The following HUNK variants were observed in gnomAD, a reference collection of about 807,000 sequenced individuals.
HUNK encodes the protein hormonally up-regulated neu tumor-associated kinase.
A neutral mutation model predicts 61.0 loss-of-function variants in HUNK; 21 were observed. The ratio of observed to expected loss-of-function variants is 0.34; its 90% CI spans 0.24 to 0.50. The LOEUF is 0.50. Among genes scored for constraint, HUNK ranks in the 20% least tolerant of loss-of-function variants. The pLI, the probability that HUNK is intolerant of heterozygous loss-of-function variation, is 0.98. For missense variants in HUNK, 772 were observed against 945.7 expected (o/e 0.82, Z 2.41); for synonymous variants, 371 against 386.1 (o/e 0.96, Z 0.46).
chr21:31,887,497 T>C (rs1231266573), intron 1 of HUNK, among the ~76,000 whole-genome samples: 6 of 152,124 alleles, frequency 3.9e-5, no homozygotes, highest in Non-Finnish European at 8.8e-5. Context: ...CATTCTGGGC[T>C]CCCTCCCTGC....
chr21:31,953,536 G>T (rs1181805197), intron 4 of HUNK, among the ~76,000 whole-genome samples: 1 of 152,130 alleles, frequency 6.6e-6, no homozygotes, highest in African/African-American at 2.4e-5. Flanking sequence ...GCCCGGCCAG[G>T]TTTCCACTCT....
chr21:31,937,730 A>G (rs2123825883), intron 2 of HUNK, among the ~76,000 whole-genome samples: 1 of 152,370 alleles, frequency 6.6e-6, no homozygotes, highest in Admixed American at 6.5e-5. Context: ...AGCTTCAAAG[A>G]TAAGTAGTAT....
chr21:31,949,535 CATTT>C (rs796429243), intron 4 of HUNK, among the ~76,000 whole-genome samples: 34 of 152,108 alleles, frequency 2.2e-4, no homozygotes, highest in African/African-American at 8.0e-4. Context: ...TTAGAGAAGT[CATTT>C]ATGCTAAATG....
intron 3 of HUNK, among the ~76,000 whole-genome samples, chr21:31,943,546 G>T (rs2052782738): frequency 6.6e-6 from 1 of 152,172 alleles, no homozygotes; most frequent in East Asian, 1.9e-4. Context: ...CAAACTGGTT[G>T]TTTCTCTACA....
intron 8 of HUNK, among the ~76,000 whole-genome samples, chr21:31,986,437 C>T (rs1027051664): frequency 1.5e-4 from 23 of 152,086 alleles, no homozygotes; most frequent in Non-Finnish European, 4.4e-5. Flanking sequence ...CCCTCCTAAC[C>T]GACTCTCTTG....
In HUNK at chr21:31,873,457, C is replaced by T. The variant is rs1200611349; in HGVS notation, c.-218C>T. The T allele has an allele frequency of 2.7e-5, 5 of 184,182 alleles. No individual in the cohort carries two copies. In the East Asian group the frequency reaches 7.6e-4, roughly 28 times the overall value. The allele number at this position is 184,182 out of a possible 1,614,324, so 11.4% of individuals were successfully genotyped here. On this transcript the variant is annotated 5_prime_UTR_variant, in exon 1 of 11. Transcript: ENST00000270112. The surrounding 1 kb of genome is among the most constrained non-coding windows in gnomAD (Gnocchi z 6.1). ...AGGAAGAACTTTTGGGGGCGGGGTC[C>T]CCGGTCCCGCGTCCCCTGGGCAGCC...
At chr21:31,883,543 T>C in intron 1 of HUNK, among the ~76,000 whole-genome samples, 1 of 152,196 alleles carries the variant, frequency 6.6e-6, no homozygotes, top group East Asian at 1.9e-4. Flanking sequence ...GTGATATATT[T>C]TGCAGTGTCT....
rs1220915694 is a variant in HUNK at position 31,873,770 on chromosome 21, C to T, written c.96C>T (p.Cys32=). ...AEDAARPAAA[C]EGSFLPAWVS... is the part of the protein sequence containing the mutation. Reference sequence around the variant, plus strand: ...ACGCGGCCAGGCCCGCGGCGGCCTGCGAGGGAAGTTTCCTGCCTGCCTGGG... The same window carrying T: ...ACGCGGCCAGGCCCGCGGCGGCCTGTGAGGGAAGTTTCCTGCCTGCCTGGG... The change falls in exon 1 of 11, where the codon TGC becomes TGT. Residue 32 remains cysteine, a synonymous_variant. Coordinates refer to ENST00000270112, the MANE Select transcript of HUNK (RefSeq NM_014586.2). The surrounding 1 kb of genome is among the most constrained non-coding windows in gnomAD (Gnocchi z 6.1). 6.6e-7 allele frequency: 1 copy of T among 1,507,886 alleles called. No individual in the cohort carries two copies. 93.4% of individuals were successfully genotyped at this position (1,507,886 alleles called of 1,614,324 possible).
chr21:31,997,259 T>C (rs1447427115), intron 10 of HUNK, among the ~76,000 whole-genome samples: 1 of 152,252 alleles, frequency 6.6e-6, no homozygotes. Context: ...TGGCCCAGTT[T>C]CCAAACCTGG....
At chr21:31,891,071 A>G (rs2052384698) in intron 1 of HUNK, among the ~76,000 whole-genome samples, 1 of 152,112 alleles carries the variant, frequency 6.6e-6, no homozygotes. Context: ...CAACCAGACA[A>G]AATGGAAGTG....
At chr21:31,901,081 G>T (rs942013078) in intron 1 of HUNK, among the ~76,000 whole-genome samples, 3 of 152,104 alleles carry the variant, frequency 2.0e-5, no homozygotes, top group African/African-American at 7.2e-5. Flanking sequence ...TTATAAGGAC[G>T]CCAGTCATAT....
In HUNK at chr21:32,003,198, G is replaced by A. The variant is rs1221436185; in HGVS notation, c.*4014G>A. On this transcript the variant is annotated 3_prime_UTR_variant, in exon 11 of 11. Transcript: ENST00000270112. ...CAGGTATTTCTGAAGTTCCTGCAGG[G>A]ACTAGGTCTTGCATTTTTAAGTCCT... is the stretch of plus-strand genomic sequence containing the variant. The A allele has an allele frequency of 6.6e-6, 1 of 152,208 alleles. No homozygotes were observed. Among genetic ancestry groups the A allele is most frequent in the African/African-American group, 2.4e-5 (1 of 41,452 alleles). 9.4% of individuals were successfully genotyped at this position (152,208 alleles called of 1,614,324 possible).
intron 5 of HUNK, among the ~76,000 whole-genome samples, chr21:31,967,486 A>G (rs2052975401): frequency 6.6e-6 from 1 of 152,200 alleles, no homozygotes; most frequent in African/African-American, 2.4e-5. Flanking sequence ...CTTAGAGATG[A>G]ATTAGCTTCT....
intron 7 of HUNK, among the ~76,000 whole-genome samples, chr21:31,975,294 G>A (rs2053040914): frequency 6.6e-6 from 1 of 152,158 alleles, no homozygotes; most frequent in Non-Finnish European, 1.5e-5. Context: ...GGTGGATGGT[G>A]GGACCCTGAC....
intron 7 of HUNK, among the ~76,000 whole-genome samples, chr21:31,982,238 T>C (rs2053102796): frequency 6.6e-6 from 1 of 152,206 alleles, no homozygotes; most frequent in Non-Finnish European, 1.5e-5. Flanking sequence ...AGTTGTGAGT[T>C]TTATGATGTC....
In HUNK at chr21:31,912,354, C is replaced by T. The variant is rs1454105527; in HGVS notation, c.262-12114C>T. On this transcript the variant is annotated intron_variant, in intron 1 of 10. Transcript: ENST00000270112. ...GGCCTTGAAAAAGGGTGAGAAGGAG[C>T]CAAAAGGGCTGATCCCAGCAGGGGT... Among the ~76,000 whole-genome samples, 4 of 152,048 alleles carry T rather than the reference C, an allele frequency of 2.6e-5. No homozygotes were observed. In the East Asian group the frequency reaches 7.7e-4, roughly 29 times the overall value.
At chr21:31,995,707 A>G in intron 9 of HUNK, 61 bp from the exon 10 acceptor site, 1 of 1,349,140 alleles carries the variant, frequency 7.4e-7, no homozygotes, top group Non-Finnish European at 1.0e-6. Context: ...CTTTTCAAAG[A>G]GGAATCCCAT....
At chr21:31,952,543 T>TGA (rs1309018587) in intron 4 of HUNK, among the ~76,000 whole-genome samples, 10 of 152,202 alleles carry the variant, frequency 6.6e-5, no homozygotes, top group African/African-American at 2.4e-4. Flanking sequence ...CAGGGAGCAG[T>TGA]GACTCCATGT....
At position 32,001,253 on chromosome 21, in the gene HUNK, G is replaced by C. The variant is rs1405447745; in HGVS notation, c.*2069G>C. On this transcript the variant is annotated 3_prime_UTR_variant, in exon 11 of 11. Transcript: ENST00000270112. ...ATCATGCTACTGCACTCCAGCTTAG[G>C]TGGCAAAGTGAGACCCTGTCTCCAA... The C allele has an allele frequency of 6.6e-6, 1 of 152,334 alleles. No individual in the cohort carries two copies. The highest frequency in any genetic ancestry group is 1.5e-5 in the Non-Finnish European group (1 of 68,210). The allele number at this position is 152,334 out of a possible 1,614,324, so 9.4% of individuals were successfully genotyped here.
Sources: gnomAD v4.1 joint callset for allele counts (sites outside exome capture counted in the v4.1 genomes callset) on GRCh38, gnomAD v4.1.1 for gene constraint, Gnocchi (gnomAD v3.1) non-coding constraint, MANE v1.5 for transcripts, NCBI Gene and HGNC (gene_info 2026-07-23, HGNC 2026-07-21) for gene names.